The following COL11A1 variants were observed in gnomAD, a reference collection of about 807,000 sequenced individuals.
COL11A1 encodes the protein collagen type XI alpha 1 chain.
In COL11A1, 74 loss-of-function variants were observed where a neutral mutation model predicts 265.2. The observed-to-expected ratio is 0.28, with a 90% CI of 0.23 to 0.34. The LOEUF (loss-of-function observed/expected upper bound fraction) is 0.34. Among genes scored for constraint, COL11A1 ranks in the 10% least tolerant of loss-of-function variants. The probability of loss-of-function intolerance (pLI) is 1.00; values close to 1 mark genes in which losing one functional copy is unlikely to be tolerated. For synonymous variants in COL11A1, 816 were observed against 727.6 expected (o/e 1.12, Z -1.96); for missense variants, 2,165 against 2,263.6 (o/e 0.96, Z 0.88).
At chr1:103,055,839 G>C (rs1003362964) in intron 4 of COL11A1, among the ~76,000 whole-genome samples, 1 of 152,150 alleles carries the variant, frequency 6.6e-6, no homozygotes, top group Non-Finnish European at 1.5e-5. Flanking sequence ...TTTTTCATAA[G>C]AAATGAACAC....
At chr1:102,987,597 G>A in intron 30 of COL11A1, 36 bp downstream of exon 30, 1 of 1,449,218 alleles carries the variant, frequency 6.9e-7, no homozygotes, top group Non-Finnish European at 9.7e-7. Flanking sequence ...AACATCAGCT[G>A]CAAGAGTACC....
chr1:102,971,902 C>T (rs1231861009), intron 36 of COL11A1, among the ~76,000 whole-genome samples: 1 of 151,948 alleles, frequency 6.6e-6, no homozygotes, highest in Admixed American at 6.6e-5. Context: ...AACCAAGGAC[C>T]CAAAACATTC....
chr1:103,014,383 AG>A, intron 13 of COL11A1, 127 bp downstream of exon 13: 1 of 812,796 alleles, frequency 1.2e-6, no homozygotes, highest in Non-Finnish European at 2.0e-6. Context: ...CAGTTTTCCA[AG>A]TAAGTTTAAC....
In COL11A1 at chr1:102,887,036, A is replaced by G; in HGVS notation, c.4629T>C (p.Ile1543=). ...TGGAGGACAAGATTGGTAAAGGCTG[A>G]ATGACTTCACCAGGTGGACCCTGTA... ...PGSPGPPGEV[I]QPLPILSSKK... The change falls in exon 63 of 67, where the codon ATT becomes ATC. Residue 1543 remains isoleucine (I), a synonymous_variant. Coordinates refer to ENST00000370096, the MANE Select transcript of COL11A1 (RefSeq NM_001854.4). 1 of 1,613,856 alleles carries G rather than the reference A, an allele frequency of 6.2e-7. No individual in the cohort carries two copies. Among genetic ancestry groups the G allele is most frequent in the South Asian group, 1.1e-5 (1 of 91,078 alleles).
At position 102,888,897 on chromosome 1, in the gene COL11A1, G is replaced by T; in HGVS notation, c.4487C>A (p.Pro1496His). ...GDGGIPGPAG[P>H]LGPPGPPGLP... is the part of the protein sequence containing the mutation. ...ACCTGGAGGACCAGGTGGACCTAAG[G>T]GACCAGCAGGACCAGGAATTCCCTA... Residue 1496 changes from proline to histidine, a missense_variant, in exon 60 of 67, where the codon CCC becomes CAC. By Grantham distance (77) the Pro-to-His change is moderately conservative (BLOSUM62 -2). Transcript: ENST00000370096. 1 of 1,612,166 alleles carries T rather than the reference G, an allele frequency of 6.2e-7. No individual in the cohort carries two copies. Among genetic ancestry groups the T allele is most frequent in the Non-Finnish European group, 8.5e-7 (1 of 1,178,286 alleles).
chr1:102,994,724 T>C (rs1570973991), intron 28 of COL11A1, among the ~76,000 whole-genome samples: 1 of 152,158 alleles, frequency 6.6e-6, no homozygotes, highest in African/African-American at 2.4e-5. Flanking sequence ...GTTTTAACTT[T>C]GTATGAAATT....
intron 4 of COL11A1, among the ~76,000 whole-genome samples, chr1:103,058,260 T>A (rs1670390300): frequency 6.6e-6 from 1 of 152,198 alleles, no homozygotes; most frequent in Non-Finnish European, 1.5e-5. Context: ...CTCACTTCTC[T>A]GAGCTTTCAC....
chr1:102,888,146 GC>G (rs773932768), intron 62 of COL11A1, among the ~76,000 whole-genome samples: 2 of 152,142 alleles, frequency 1.3e-5, no homozygotes, highest in Non-Finnish European at 2.9e-5. Context: ...GTTATGTGAA[GC>G]CTAGAACATT....
At chr1:103,001,541 C>T (rs113726967) in intron 24 of COL11A1, 2 of 455,368 alleles carry the variant, frequency 4.4e-6, no homozygotes, top group African/African-American at 2.0e-5. Flanking sequence ...GACAACTTCA[C>T]AACTTTCCTT....
chr1:102,926,242 C>A (rs1164927584), intron 46 of COL11A1, among the ~76,000 whole-genome samples: 1 of 152,052 alleles, frequency 6.6e-6, no homozygotes, highest in Non-Finnish European at 1.5e-5. Flanking sequence ...AATGTCCTAC[C>A]TTTCTCCAAA....
At chr1:102,909,386 C>A (rs981090116) in intron 54 of COL11A1, among the ~76,000 whole-genome samples, 1 of 152,094 alleles carries the variant, frequency 6.6e-6, no homozygotes, top group East Asian at 1.9e-4. Context: ...GAACTGTGAG[C>A]TAGATAAACC....
intron 46 of COL11A1, among the ~76,000 whole-genome samples, chr1:102,932,935 A>G (rs1317749066): frequency 6.8e-6 from 1 of 148,124 alleles, no homozygotes; most frequent in African/African-American, 2.5e-5. Flanking sequence ...CTTGGTTTTC[A>G]GCTCCATCAG....
chr1:102,945,332 T>A (rs1659158507), intron 42 of COL11A1, among the ~76,000 whole-genome samples: 1 of 150,408 alleles, frequency 6.6e-6, no homozygotes, highest in African/African-American at 2.4e-5. Context: ...TGCCAAGAAG[T>A]TCTTTACCAG....
In COL11A1 at chr1:102,919,515, T is replaced by A. The variant is rs191661592; in HGVS notation, c.3762+796A>T. 7.6e-3 allele frequency among the ~76,000 whole-genome samples: 1,152 copies of A among 152,082 alleles called. 20 individuals carry two copies. The highest frequency in any genetic ancestry group is 0.026 in the African/African-American group (1,089 of 41,546). On this transcript the variant is annotated intron_variant, in intron 49 of 66. Coordinates refer to ENST00000370096, the MANE Select transcript of COL11A1 (RefSeq NM_001854.4). The stretch of plus-strand genomic sequence containing the variant: ...CTTTAACAAGTAGCATATTAAGGAA[T>A]TTTTTAGTGTTTTCACTGCATAATA...
At chr1:102,881,842 T>A in intron 64 of COL11A1, 77 bp from the exon 65 acceptor site, 2 of 1,019,198 alleles carry the variant, frequency 2.0e-6, no homozygotes, top group South Asian at 1.4e-5. Flanking sequence ...TACATATAAT[T>A]CATTTTCAGT....
At chr1:102,878,276 T>G (rs896864960) in intron 66 of COL11A1, 111 bp from the exon 67 acceptor site, 3 of 936,946 alleles carry the variant, frequency 3.2e-6, no homozygotes, top group Non-Finnish European at 4.7e-6. Context: ...GAGAAGAGAA[T>G]AGAAAAACAA....
At chr1:102,937,510 G>T (rs1408112719) in intron 44 of COL11A1, among the ~76,000 whole-genome samples, 1 of 152,148 alleles carries the variant, frequency 6.6e-6, no homozygotes. Context: ...AAATGGAGGT[G>T]TTTTGGTTCT....
At chr1:103,016,222 A>G (rs1433817205) in intron 11 of COL11A1, among the ~76,000 whole-genome samples, 1 of 151,966 alleles carries the variant, frequency 6.6e-6, no homozygotes, top group Non-Finnish European at 1.5e-5. Context: ...ATATTTTAAT[A>G]GACAATAGAT....
rs3753841 is a variant in COL11A1 at position 102,914,362 on chromosome 1, G to A, written c.3968C>T (p.Pro1323Leu). Residue 1323 changes from proline to leucine, a missense_variant, in exon 52 of 67, where the codon CCT becomes CTT. Coordinates refer to ENST00000370096, the MANE Select transcript of COL11A1 (RefSeq NM_001854.4). Reference protein sequence around the residue: ...FPGDPGPPGEPGPAGQDGVGG... With the variant: ...FPGDPGPPGELGPAGQDGVGG... The stretch of plus-strand genomic sequence containing the variant: ...TTCCCTGATACTTACTGCAGGGCCA[G>A]GTTCCCCAGGAGGACCAGGATCTCC... 954,915 of 1,602,454 alleles carry A rather than the reference G, an allele frequency of 0.6. 294,801 individuals carry two copies. Among genetic ancestry groups the A allele is most frequent in the Admixed American group, 0.72 (43,091 of 59,760 alleles).
Sources: allele counts gnomAD v4.1 joint callset (sites outside exome capture counted in the v4.1 genomes callset), GRCh38; gene constraint gnomAD v4.1.1; transcripts MANE v1.5; gene names NCBI Gene and HGNC (gene_info 2026-07-23, HGNC 2026-07-21).